Variants in CCDC102B observed in about 807,000 individuals in gnomAD.
CCDC102B encodes the protein coiled-coil domain-containing protein 102B.
A neutral mutation model predicts 57.4 loss-of-function variants in CCDC102B; 75 were observed. The ratio of observed to expected loss-of-function variants is 1.31; its 90% confidence interval spans 1.08 to 1.58. CCDC102B has a LOEUF of 1.58. Among genes scored for constraint, CCDC102B ranks in the 40% most tolerant of loss-of-function variants. The probability of loss-of-function intolerance (pLI) is 0.00; values close to 1 mark genes in which losing one functional copy is unlikely to be tolerated. For synonymous variants in CCDC102B, 206 were observed against 201.9 expected (o/e 1.02, Z -0.17); for missense variants, 636 against 582.6 (o/e 1.09, Z -0.94).
At chr18:68,718,015 CACA>C (rs1182158126) in intron 2 of CCDC102B, 1 of 152,386 alleles carries the variant, frequency 6.6e-6, no homozygotes, top group Non-Finnish European at 1.5e-5. Context: ...CATGTGAAAA[CACA>C]ACAAGAAGGT....
chr18:68,885,833 G>T (rs969009202), intron 5 of CCDC102B, among the ~76,000 whole-genome samples: 2 of 151,840 alleles, frequency 1.3e-5, no homozygotes, highest in African/African-American at 4.8e-5. Context: ...TTGATGCCAG[G>T]TAAAAGATGT....
At chr18:68,854,073 A>C (rs977463207) in intron 4 of CCDC102B, among the ~76,000 whole-genome samples, 1 of 144,640 alleles carries the variant, frequency 6.9e-6, no homozygotes, top group African/African-American at 2.5e-5. Flanking sequence ...TCTTTATGTT[A>C]GCATAATACT....
intron 2 of CCDC102B, among the ~76,000 whole-genome samples, chr18:68,770,667 C>T (rs1160244522): frequency 6.6e-6 from 1 of 152,230 alleles, no homozygotes; most frequent in Non-Finnish European, 1.5e-5. Flanking sequence ...GCAGTTCTTC[C>T]TGTACCATTT....
At chr18:68,866,394 G>T (rs1307693428) in intron 4 of CCDC102B, 1 of 152,468 alleles carries the variant, frequency 6.6e-6, no homozygotes, top group Non-Finnish European at 1.5e-5. Context: ...ACATAAAATT[G>T]TAAGTAGATG....
intron 6 of CCDC102B, among the ~76,000 whole-genome samples, chr18:68,933,604 CT>C (rs2041750656): frequency 6.6e-6 from 1 of 151,702 alleles, no homozygotes; most frequent in Non-Finnish European, 1.5e-5. Context: ...CTATAATTTC[CT>C]TAGATTGCTC....
chr18:68,787,882 G>C (rs1599460729), intron 2 of CCDC102B, among the ~76,000 whole-genome samples: 3 of 151,560 alleles, frequency 2.0e-5, no homozygotes, highest in Admixed American at 2.0e-4. Context: ...TTTTGAATGT[G>C]TTTGCTCTTG....
At chr18:69,007,597 T>G (rs148236810) in intron 6 of CCDC102B, among the ~76,000 whole-genome samples, 86 of 152,332 alleles carry the variant, frequency 5.6e-4, no homozygotes, top group African/African-American at 1.9e-3. Context: ...GAGGACTTGT[T>G]AAACCCACAG....
At position 69,054,264 on chromosome 18, in the gene CCDC102B, C is replaced by T; in HGVS notation, c.*127C>T. 7.4e-7 allele frequency: 1 copy of T among 1,345,174 alleles called. No individual in the cohort carries two copies. The highest frequency in any genetic ancestry group is 2.0e-5 in the South Asian group (1 of 49,494). The allele number at this position is 1,345,174 out of a possible 1,614,324, so 83.3% of individuals were successfully genotyped here. On this transcript the variant is annotated 3_prime_UTR_variant, in exon 8 of 8. Transcript: ENST00000360242. ...TAATGAAAAAAACGTAGACAATACA[C>T]AAATTAATGGGCTTCTTCACTTCTT... is the stretch of plus-strand genomic sequence containing the variant.
At position 68,880,059 on chromosome 18, in the gene CCDC102B, G is replaced by A. The variant is rs560152823; in HGVS notation, c.1053+5274G>A. Among the ~76,000 whole-genome samples, 173 of 152,290 alleles carry A rather than the reference G, an allele frequency of 1.1e-3. 1 individual carries two copies. The highest frequency in any genetic ancestry group is 3.8e-3 in the African/African-American group (157 of 41,576). On this transcript the variant is annotated intron_variant, in intron 5 of 7. Transcript: ENST00000360242. ...TGTGGAGCAGGGGGCGGTGCTCATC[G>A]GGGAGGCTTGGGCCCCACGGGAGCC...
At chr18:68,983,883 G>C (rs2050657244) in intron 6 of CCDC102B, among the ~76,000 whole-genome samples, 1 of 151,774 alleles carries the variant, frequency 6.6e-6, no homozygotes, top group African/African-American at 2.4e-5. Context: ...CATGTTTAAA[G>C]GAGTGAAAAA....
chr18:68,907,120 G>A (rs2040678331), intron 6 of CCDC102B, among the ~76,000 whole-genome samples: 1 of 151,962 alleles, frequency 6.6e-6, no homozygotes, highest in South Asian at 2.1e-4. Flanking sequence ...TATCCATATA[G>A]GTATGGTTTA....
intron 6 of CCDC102B, among the ~76,000 whole-genome samples, chr18:68,937,842 G>A (rs991020124): frequency 2.6e-5 from 4 of 151,838 alleles, no homozygotes; most frequent in Non-Finnish European, 5.9e-5. Flanking sequence ...CCACTTACGA[G>A]TGAGAGCATG....
At chr18:68,933,472 ACAT>A (rs1258954797) in intron 6 of CCDC102B, among the ~76,000 whole-genome samples, 1 of 151,906 alleles carries the variant, frequency 6.6e-6, no homozygotes. Context: ...CATGCCCTCC[ACAT>A]CACTTAATCT....
At chr18:69,009,405 T>C (rs551549139) in intron 6 of CCDC102B, among the ~76,000 whole-genome samples, 2 of 152,304 alleles carry the variant, frequency 1.3e-5, no homozygotes, top group East Asian at 3.9e-4. Flanking sequence ...CCTTAACCCC[T>C]GGTCACCACT....
At chr18:68,763,360 G>A (rs2034316588) in intron 2 of CCDC102B, among the ~76,000 whole-genome samples, 1 of 152,136 alleles carries the variant, frequency 6.6e-6, no homozygotes, top group South Asian at 2.1e-4. Context: ...CCATATGCAT[G>A]CATGGTTGCC....
intron 5 of CCDC102B, among the ~76,000 whole-genome samples, chr18:68,894,665 A>G (rs1028599777): frequency 6.6e-6 from 1 of 151,904 alleles, no homozygotes; most frequent in African/African-American, 2.4e-5. Flanking sequence ...TTTACAAAAT[A>G]AAAACTAAAA....
intron 2 of CCDC102B, among the ~76,000 whole-genome samples, chr18:68,752,431 G>GA (rs1404516802): frequency 1.5e-5 from 2 of 135,020 alleles, no homozygotes; most frequent in Non-Finnish European, 1.6e-5. Context: ...GGGAAAAGGG[G>GA]AAAAAAATAA....
chr18:68,757,378 T>G (rs2034085833), intron 2 of CCDC102B, among the ~76,000 whole-genome samples: 1 of 152,132 alleles, frequency 6.6e-6, no homozygotes, highest in African/African-American at 2.4e-5. Flanking sequence ...GTAATATTAT[T>G]TCAAAAATAG....
intron 1 of CCDC102B, among the ~76,000 whole-genome samples, chr18:68,804,515 G>GT (rs1568259691): frequency 2.6e-5 from 4 of 152,174 alleles, no homozygotes; most frequent in Admixed American, 1.3e-4. Context: ...CAGTGTTGGA[G>GT]CGCTTGCAGT....
Sources: allele counts gnomAD v4.1 joint callset (sites outside exome capture counted in the v4.1 genomes callset), GRCh38; gene constraint gnomAD v4.1.1; transcripts MANE v1.5; gene names NCBI Gene and HGNC (gene_info 2026-07-23, HGNC 2026-07-21).